RANBP3: variants seen among roughly 807,000 people sequenced by gnomAD.
RANBP3 encodes ran-binding protein 3.
Under a neutral mutation model 77.3 loss-of-function variants are expected in RANBP3, and 14 were observed. That is an observed-to-expected ratio of 0.18 (90% CI 0.12 to 0.28). The LOEUF (loss-of-function observed/expected upper bound fraction) is 0.28. RANBP3 is among the 10% of genes least tolerant of loss of function. The pLI, the probability that RANBP3 is intolerant of heterozygous loss-of-function variation, is 1.00. For missense variants in RANBP3, 586 were observed against 752.3 expected (o/e 0.78, Z 2.59); for synonymous variants, 315 against 312.4 (o/e 1.01, Z -0.09).
intron 1 of RANBP3, among the ~76,000 whole-genome samples, chr19:5,966,225 A>C (rs376071007): frequency 9.2e-5 from 14 of 152,330 alleles, no homozygotes; most frequent in African/African-American, 2.9e-4. Flanking sequence ...GCACCTATGG[A>C]GGAGCACGAA....
intron 3 of RANBP3, among the ~76,000 whole-genome samples, chr19:5,950,287 C>A (rs892833267): frequency 6.6e-6 from 1 of 152,174 alleles, no homozygotes; most frequent in Non-Finnish European, 1.5e-5. Flanking sequence ...TCTCACTACC[C>A]CAAACCCACT....
chr19:5,956,727 G>C (rs1232098313), intron 2 of RANBP3, among the ~76,000 whole-genome samples: 1 of 152,028 alleles, frequency 6.6e-6, no homozygotes, highest in Non-Finnish European at 1.5e-5. Context: ...CAGGAAAACC[G>C]GGCCACATCA....
chr19:5,975,629 T>A (rs1461927411), intron 1 of RANBP3, among the ~76,000 whole-genome samples: 1 of 146,980 alleles, frequency 6.8e-6, no homozygotes, highest in South Asian at 2.2e-4. Context: ...GGAGCTTACA[T>A]GGGGCAAACA....
intron 1 of RANBP3, among the ~76,000 whole-genome samples, chr19:5,964,083 C>T (rs1424543773): frequency 6.6e-6 from 1 of 152,176 alleles, no homozygotes; most frequent in East Asian, 1.9e-4. Flanking sequence ...GCTGGCTCTC[C>T]CTCCCATCCC....
At chr19:5,947,906 T>C (rs925074883) in intron 3 of RANBP3, among the ~76,000 whole-genome samples, 4 of 152,182 alleles carry the variant, frequency 2.6e-5, no homozygotes, top group Admixed American at 2.0e-4. Flanking sequence ...GGGAAGCTTG[T>C]TCTTTGCCTA....
At chr19:5,954,682 G>A (rs1365474753) in intron 2 of RANBP3, among the ~76,000 whole-genome samples, 4 of 152,172 alleles carry the variant, frequency 2.6e-5, no homozygotes, top group Non-Finnish European at 4.4e-5. Flanking sequence ...CTAAAAGCTC[G>A]GTCCCAGCTC....
chr19:5,932,155 C>T (rs1172544225), intron 7 of RANBP3, among the ~76,000 whole-genome samples: 2 of 152,184 alleles, frequency 1.3e-5, no homozygotes, highest in Admixed American at 6.5e-5. Flanking sequence ...TCCCAGGAGC[C>T]GGCCTGCTTT....
intron 1 of RANBP3, among the ~76,000 whole-genome samples, chr19:5,968,370 T>C (rs531834404): frequency 6.6e-6 from 1 of 152,216 alleles, no homozygotes; most frequent in Non-Finnish European, 1.5e-5. Context: ...TCTGGCACAA[T>C]GTCTTCATTT....
intron 9 of RANBP3, among the ~76,000 whole-genome samples, chr19:5,927,392 G>T (rs572031907): frequency 1.3e-4 from 20 of 152,310 alleles, no homozygotes; most frequent in Admixed American, 1.1e-3. Flanking sequence ...AAAAAAATAA[G>T]GTGACAGTTC....
At chr19:5,922,071 T>C (rs142219567) in intron 13 of RANBP3, among the ~76,000 whole-genome samples, 1 of 152,142 alleles carries the variant, frequency 6.6e-6, no homozygotes, top group Non-Finnish European at 1.5e-5. Flanking sequence ...GAATGGACAA[T>C]GCTCTTTCTG....
chr19:5,971,602 A>G (rs2058531262), intron 1 of RANBP3, among the ~76,000 whole-genome samples: 1 of 152,228 alleles, frequency 6.6e-6, no homozygotes, highest in Non-Finnish European at 1.5e-5. Flanking sequence ...TTGTTATGAA[A>G]TAGTTTTGAA....
intron 9 of RANBP3, among the ~76,000 whole-genome samples, chr19:5,926,972 T>C (rs1045501427): frequency 1.1e-4 from 16 of 152,114 alleles, no homozygotes; most frequent in African/African-American, 3.9e-4. Context: ...ATGTTGACAC[T>C]GGGCCCAGAA....
intron 5 of RANBP3, among the ~76,000 whole-genome samples, chr19:5,937,844 A>G (rs1195698869): frequency 6.6e-6 from 1 of 152,152 alleles, no homozygotes; most frequent in Non-Finnish European, 1.5e-5. Flanking sequence ...CTCAGAAGCG[A>G]TCATGAGATT....
Position 5,924,717 on chromosome 19 carries a change from C to A in RANBP3, c.996+110G>T, listed in dbSNP as rs1282294018. The A allele has an allele frequency of 4.5e-6, 5 of 1,105,516 alleles. No homozygotes were observed. The East Asian group carries it at 1.2e-4, about 26-fold the overall frequency. 68.5% of individuals were successfully genotyped at this position (1,105,516 alleles called of 1,614,324 possible). A position where few individuals can be genotyped will look rare whatever the true frequency, so the allele number is the denominator to read the frequency against. On this transcript the variant is annotated intron_variant, in intron 11 of 16. Transcript: ENST00000340578. This position sits in a 1 kb window ranked among gnomAD's most constrained non-coding sequence, Gnocchi z 4.7. ...CTCTCTCACTTGCTACTGAAGGCAT[C>A]CCCATCTCACATAGGACGACACAGC...
chr19:5,946,254 G>A (rs1035210439), intron 3 of RANBP3, among the ~76,000 whole-genome samples: 20 of 152,166 alleles, frequency 1.3e-4, no homozygotes, highest in Admixed American at 1.2e-3. Flanking sequence ...GTTCATTCAC[G>A]CGACACCCGG....
Position 5,924,313 on chromosome 19 carries a change from AG to A in RANBP3, c.997-400del, listed in dbSNP as rs1170292597. Reference sequence around the variant, plus strand: ...AGTCGCAATGGAGCTGGGTGGAATCAGGAAGAAAAAGGAACATGTGTAAAGA... The same window carrying A: ...AGTCGCAATGGAGCTGGGTGGAATCAGAAGAAAAAGGAACATGTGTAAAGA... On this transcript the variant is annotated intron_variant, in intron 11 of 16. Coordinates refer to ENST00000340578, the MANE Select transcript of RANBP3 (RefSeq NM_007322.3). The surrounding 1 kb of genome is among the most constrained non-coding windows in gnomAD (Gnocchi z 4.7). 6.6e-6 allele frequency among the ~76,000 whole-genome samples: 1 copy of A among 152,266 alleles called. No individual in the cohort carries two copies. The highest frequency in any genetic ancestry group is 3.2e-3 in the Middle Eastern group (1 of 316).
In RANBP3 at chr19:5,933,535, T is replaced by C. The variant is rs540338470; in HGVS notation, c.407-56A>G. The C allele has an allele frequency of 6.6e-6, 10 of 1,518,110 alleles. No homozygotes were observed. The African/African-American group carries it at 6.9e-5, about 10-fold the overall frequency. The allele number at this position is 1,518,110 out of a possible 1,614,324, so 94.0% of individuals were successfully genotyped here. A position where few individuals can be genotyped will look rare whatever the true frequency, so the allele number is the denominator to read the frequency against. ...GGCCTGCCTGGGCTGGGGCTGGGCC[T>C]GGGGGGCAAGGGCAGGAGAGGACTA... is the stretch of plus-strand genomic sequence containing the variant. On this transcript the variant is annotated intron_variant, in intron 5 of 16. Coordinates refer to ENST00000340578, the MANE Select transcript of RANBP3 (RefSeq NM_007322.3).
At chr19:5,938,168 C>T (rs1413124376) in intron 5 of RANBP3, among the ~76,000 whole-genome samples, 2 of 152,196 alleles carry the variant, frequency 1.3e-5, no homozygotes, top group African/African-American at 2.4e-5. Flanking sequence ...ACGGACATCA[C>T]GCCAGCAGCT....
chr19:5,921,402 C>A lies in RANBP3; in HGVS notation c.1210-81G>T. The A allele has an allele frequency of 6.4e-7, 1 of 1,554,520 alleles. No homozygotes were observed. Among genetic ancestry groups the A allele is most frequent in the South Asian group, 1.2e-5 (1 of 83,530 alleles). ...CACACCCTGAGAGTCGCCCTTTAGC[C>A]TGTGGGGACTGCCAGGGCCAGCCAA... On this transcript the variant is annotated intron_variant, in intron 13 of 16. Coordinates refer to ENST00000340578, the MANE Select transcript of RANBP3 (RefSeq NM_007322.3). The surrounding 1 kb of genome is among the most constrained non-coding windows in gnomAD (Gnocchi z 5.3).
Sources: gnomAD v4.1 joint callset for allele counts (sites outside exome capture counted in the v4.1 genomes callset) on GRCh38, gnomAD v4.1.1 for gene constraint, Gnocchi (gnomAD v3.1) non-coding constraint, MANE v1.5 for transcripts, NCBI Gene and HGNC (gene_info 2026-07-23, HGNC 2026-07-21) for gene names.